Variants in HDAC9 observed in about 807,000 individuals in gnomAD.
HDAC9 encodes MEF-2 interacting transcription repressor (MITR) protein.
In HDAC9, 41 loss-of-function variants were observed where a neutral mutation model predicts 139.4. The ratio of observed to expected loss-of-function variants is 0.29; its 90% CI spans 0.23 to 0.38. HDAC9 has a LOEUF of 0.38. HDAC9 is among the 10% of genes least tolerant of loss of function. The pLI, the probability that HDAC9 is intolerant of heterozygous loss-of-function variation, is 1.00. For missense variants in HDAC9, 1,147 were observed against 1,297.0 expected, an observed-to-expected ratio of 0.88 and a Z score of 1.78; for synonymous variants, 517 against 476.2, an observed-to-expected ratio of 1.09 and a Z score of -1.12.
intron 22 of HDAC9, among the ~76,000 whole-genome samples, chr7:18,896,856 A>C (rs1732936172): frequency 6.6e-6 from 1 of 152,024 alleles, no homozygotes; most frequent in African/African-American, 2.4e-5. Context: ...CCACTGTTGA[A>C]ACTTTTACTA....
intron 1 of HDAC9, among the ~76,000 whole-genome samples, chr7:18,371,745 T>A (rs10236151): frequency 0.29 from 44,022 of 152,078 alleles, 6,852 homozygotes; most frequent in East Asian, 0.39. Context: ...TTTTCCTTCA[T>A]AGTTGTCTAA....
chr7:18,776,339 T>A (rs911772072), intron 16 of HDAC9, among the ~76,000 whole-genome samples: 1 of 152,074 alleles, frequency 6.6e-6, no homozygotes, highest in South Asian at 2.1e-4. Flanking sequence ...CAGTGCTCAC[T>A]GGTGCAGACT....
At chr7:18,807,974 C>T (rs1793860678) in intron 17 of HDAC9, 5 of 152,100 alleles carry the variant, frequency 3.3e-5, no homozygotes, top group Admixed American at 3.3e-4. Context: ...CCACTGTTTT[C>T]TTATTGATTC....
intron 12 of HDAC9, among the ~76,000 whole-genome samples, chr7:18,718,236 GT>G (rs199898545): frequency 3.9e-5 from 6 of 151,922 alleles, no homozygotes; most frequent in South Asian, 4.1e-4. Flanking sequence ...TTTTTTGTTT[GT>G]TTTTTTGTTT....
intron 2 of HDAC9, among the ~76,000 whole-genome samples, chr7:18,257,010 G>T (rs970759578): frequency 1.4e-4 from 21 of 152,106 alleles, no homozygotes; most frequent in Non-Finnish European, 2.9e-4. Flanking sequence ...GATTGCTTGA[G>T]CCTGGGAGGT....
intron 19 of HDAC9, among the ~76,000 whole-genome samples, chr7:18,832,506 A>G (rs1795925196): frequency 2.0e-5 from 3 of 152,136 alleles, no homozygotes; most frequent in Admixed American, 2.0e-4. Context: ...TATTTAAACA[A>G]TTTTTCAGCA....
At chr7:18,854,201 G>A (rs1797506608) in intron 21 of HDAC9, among the ~76,000 whole-genome samples, 1 of 152,136 alleles carries the variant, frequency 6.6e-6, no homozygotes, top group Non-Finnish European at 1.5e-5. Context: ...GTACCTGTGG[G>A]TATTTGGCAA....
chr7:18,707,805 C>T (rs1784043150), intron 12 of HDAC9, among the ~76,000 whole-genome samples: 1 of 151,584 alleles, frequency 6.6e-6, no homozygotes, highest in African/African-American at 2.4e-5. Context: ...TGAGAAAGAA[C>T]AGAGAAAGTT....
chr7:18,091,645 A>G (rs1782156312), intron 1 of HDAC9, among the ~76,000 whole-genome samples: 1 of 152,232 alleles, frequency 6.6e-6, no homozygotes, highest in African/African-American at 2.4e-5. Context: ...CCTTTATCAT[A>G]TCAGTTTCAT....
At chr7:18,942,643 A>C (rs1782100924) in intron 23 of HDAC9, among the ~76,000 whole-genome samples, 2 of 152,086 alleles carry the variant, frequency 1.3e-5, no homozygotes, top group South Asian at 4.1e-4. Context: ...TAATCAATAA[A>C]CAAAATTATA....
intron 12 of HDAC9, among the ~76,000 whole-genome samples, chr7:18,719,925 C>A (rs1257856632): frequency 2.0e-5 from 3 of 152,156 alleles, no homozygotes; most frequent in Non-Finnish European, 2.9e-5. Flanking sequence ...ATTGTCTTGG[C>A]ACCTTTGTTG....
In HDAC9 at chr7:18,738,906, G is replaced by A. The variant is rs552967457; in HGVS notation, c.1910-10099G>A. On this transcript the variant is annotated intron_variant, in intron 13 of 25. Transcript: ENST00000686413. Reference sequence around the variant, plus strand: ...TCACTTTCAGGTACACCAATCAAATGTAGATTTGGTCTTTTCACATAGTCC... The same window carrying A: ...TCACTTTCAGGTACACCAATCAAATATAGATTTGGTCTTTTCACATAGTCC... 3.3e-5 allele frequency among the ~76,000 whole-genome samples: 5 copies of A among 152,274 alleles called. No homozygotes were observed. In the South Asian group the frequency reaches 8.3e-4, roughly 25 times the overall value.
intron 12 of HDAC9, among the ~76,000 whole-genome samples, chr7:18,705,988 T>C (rs1043490156): frequency 7.9e-5 from 12 of 151,958 alleles, no homozygotes; most frequent in African/African-American, 2.2e-4. Flanking sequence ...AACCCTTTCA[T>C]TGATGTCTGG....
At chr7:18,905,865 TCTTTC>T (rs1198937260) in intron 22 of HDAC9, among the ~76,000 whole-genome samples, 1 of 151,622 alleles carries the variant, frequency 6.6e-6, no homozygotes, top group Admixed American at 6.6e-5. Flanking sequence ...TTTCTTTCTT[TCTTTC>T]CTTTCTTTTC....
Position 18,496,030 on chromosome 7 carries a change from A to G in HDAC9, c.-42+7A>G, listed in dbSNP as rs1042476863. 7.0e-7 allele frequency: 1 copy of G among 1,431,856 alleles called. No homozygotes were observed. Among genetic ancestry groups the G allele is most frequent in the African/African-American group, 1.4e-5 (1 of 69,622 alleles). The allele number at this position is 1,431,856 out of a possible 1,614,324, so 88.7% of individuals were successfully genotyped here. On this transcript the variant is annotated splice_region_variant and intron_variant, in intron 1 of 25. Coordinates refer to ENST00000686413, the MANE Select transcript of HDAC9 (RefSeq NM_178425.4). ...CTTTCTGCTTTGCACACAGGTTGGT[A>G]ACATGGGAAAAGTGTCCAGGTCTTT...
chr7:18,865,463 C>T (rs1469181662), intron 21 of HDAC9, among the ~76,000 whole-genome samples: 1 of 152,124 alleles, frequency 6.6e-6, no homozygotes, highest in Non-Finnish European at 1.5e-5. Context: ...GGAAGAAGAG[C>T]AGGACTTATT....
chr7:18,843,290 G>A (rs1463353359), intron 21 of HDAC9, among the ~76,000 whole-genome samples: 1 of 152,062 alleles, frequency 6.6e-6, no homozygotes, highest in Non-Finnish European at 1.5e-5. Flanking sequence ...CTCAATGTAT[G>A]TGTAATACTT....
At chr7:18,565,054 G>T (rs989320994) in intron 2 of HDAC9, among the ~76,000 whole-genome samples, 2 of 151,762 alleles carry the variant, frequency 1.3e-5, no homozygotes, top group Non-Finnish European at 2.9e-5. Context: ...CTGGAGTGCA[G>T]TGGCACAATT....
intron 1 of HDAC9, among the ~76,000 whole-genome samples, chr7:18,297,291 T>G (rs1456739445): frequency 2.6e-5 from 4 of 152,212 alleles, no homozygotes; most frequent in Non-Finnish European, 4.4e-5. Flanking sequence ...TATGTCCACG[T>G]ATAGGCTTCC....
Sources: allele counts gnomAD v4.1 joint callset (sites outside exome capture counted in the v4.1 genomes callset), GRCh38; gene constraint gnomAD v4.1.1; transcripts MANE v1.5; gene names NCBI Gene and HGNC (gene_info 2026-07-23, HGNC 2026-07-21).